MAPK8IP3: variants seen among roughly 807,000 people sequenced by gnomAD.
The protein encoded by MAPK8IP3 is mitogen-activated protein kinase 8 interacting protein 3.
In MAPK8IP3, 49 loss-of-function variants were observed where a neutral mutation model predicts 157.8. That is an observed-to-expected ratio of 0.31 (90% confidence interval 0.25 to 0.39). The LOEUF (loss-of-function observed/expected upper bound fraction) is 0.39, where lower values mean the gene tolerates loss of function less well. MAPK8IP3 is among the 10% of genes least tolerant of loss of function. MAPK8IP3 has a pLI of 1.00. For synonymous variants in MAPK8IP3, 897 were observed against 777.7 expected (o/e 1.15, Z -2.55); for missense variants, 1,478 against 1,889.4 (o/e 0.78, Z 4.04).
chr16:1,767,040 C>T lies in MAPK8IP3; in HGVS notation c.3088+69C>T, dbSNP rs1025088752. 4 of 1,568,780 alleles carry T rather than the reference C, an allele frequency of 2.5e-6. No homozygotes were observed. In the Admixed American group the frequency reaches 7.0e-5, roughly 28 times the overall value. ...CCTGGCATTGTTTAGCCAAGGGGCT[C>T]CCGGGGTTCCAGGCCTCTCCTTAGT... On this transcript the variant is annotated intron_variant, in intron 25 of 31. Transcript: ENST00000610761.
Position 1,731,540 on chromosome 16 carries a change from G to A in MAPK8IP3, c.602+1962G>A, listed in dbSNP as rs1359887268. On this transcript the variant is annotated intron_variant, in intron 4 of 31. Coordinates refer to ENST00000610761, the MANE Select transcript of MAPK8IP3 (RefSeq NM_001318852.2). ...GTGTCACGCATGAGGCCAGTTCTAG[G>A]GTTAGTTCCAGGGGCTCCAAGCCCA... is the stretch of plus-strand genomic sequence containing the variant. Among the ~76,000 whole-genome samples the A allele has an allele frequency of 2.0e-5, 3 of 152,214 alleles. No individual in the cohort carries two copies. The East Asian group carries it at 5.8e-4, about 29-fold the overall frequency.
chr16:1,762,157 C>T (rs538947999), intron 13 of MAPK8IP3, among the ~76,000 whole-genome samples, 194 bp from the exon 14 acceptor site: 1 of 152,254 alleles, frequency 6.6e-6, no homozygotes, highest in Non-Finnish European at 1.5e-5. Flanking sequence ...CCCCTGTCAG[C>T]ACCCAAGTCC....
intron 1 of MAPK8IP3, among the ~76,000 whole-genome samples, chr16:1,717,047 A>G (rs2038197960): frequency 6.6e-6 from 1 of 151,596 alleles, no homozygotes; most frequent in Non-Finnish European, 1.5e-5. Context: ...CAACAGAGCG[A>G]GATGCCGTCT....
In MAPK8IP3 at chr16:1,767,593, G is replaced by A. The variant is rs367851207; in HGVS notation, c.3267G>A (p.Glu1089=). The A allele has an allele frequency of 1.2e-6, 2 of 1,612,358 alleles. No homozygotes were observed. The highest frequency in any genetic ancestry group is 1.7e-6 in the Non-Finnish European group (2 of 1,179,866). Residue 1089 remains glutamate (E), a synonymous_variant, in exon 27 of 32, where the codon GAG becomes GAA. Coordinates refer to ENST00000610761, the MANE Select transcript of MAPK8IP3 (RefSeq NM_001318852.2). ...CATTTGACGCCCACCCGCGGCGGGA[G>A]AGCCAGGTGCGGCAGCTGGCGTGGA... ...EKSFDAHPRR[E]SQVRQLAWIG...
Position 1,769,687 on chromosome 16 carries a change from T to G in MAPK8IP3, c.*863T>G, listed in dbSNP as rs2042496240. ...CAGGAAGAAGGGGAGGCCCCTGGCCTCTCCGGGATCAGTCCTAGGACACAG... is the reference window on the plus strand; with the variant it reads ...CAGGAAGAAGGGGAGGCCCCTGGCCGCTCCGGGATCAGTCCTAGGACACAG... On this transcript the variant is annotated 3_prime_UTR_variant, in exon 32 of 32. Transcript: ENST00000610761. The G allele has an allele frequency of 6.6e-6, 1 of 152,522 alleles. No homozygotes were observed. The highest frequency in any genetic ancestry group is 2.1e-4 in the South Asian group (1 of 4,786). 9.4% of individuals were successfully genotyped at this position (152,522 alleles called of 1,614,324 possible).
chr16:1,747,336 T>G (rs1596704621), intron 6 of MAPK8IP3, 61 bp downstream of exon 6: 1 of 1,581,572 alleles, frequency 6.3e-7, no homozygotes, highest in Non-Finnish European at 8.6e-7. Context: ...TTGGTTTGGG[T>G]AGATGTGAAA....
chr16:1,731,943 G>A (rs1171573604), intron 4 of MAPK8IP3, among the ~76,000 whole-genome samples: 3 of 152,172 alleles, frequency 2.0e-5, no homozygotes, highest in Non-Finnish European at 4.4e-5. Context: ...TGGGGGTACC[G>A]GTGGGTTTCC....
chr16:1,739,495 C>T (rs1195465381), intron 4 of MAPK8IP3, among the ~76,000 whole-genome samples: 1 of 98,654 alleles, frequency 1.0e-5, no homozygotes, highest in Non-Finnish European at 1.9e-5. Flanking sequence ...CATGTGTGAC[C>T]GTTCGTGTGA....
At chr16:1,721,162 C>G (rs1461442817) in intron 1 of MAPK8IP3, among the ~76,000 whole-genome samples, 1 of 149,582 alleles carries the variant, frequency 6.7e-6, no homozygotes, top group Non-Finnish European at 1.5e-5. Flanking sequence ...ACATGGAAAA[C>G]ACCATCTCTA....
chr16:1,748,484 G>A (rs1021064972), intron 7 of MAPK8IP3, 118 bp from the exon 8 acceptor site: 2 of 1,142,566 alleles, frequency 1.8e-6, no homozygotes, highest in Non-Finnish European at 1.3e-6. Flanking sequence ...CGACCGGCCT[G>A]CAGGGCAGTG....
At chr16:1,754,641 G>A (rs755645459) in intron 8 of MAPK8IP3, among the ~76,000 whole-genome samples, 17 of 151,846 alleles carry the variant, frequency 1.1e-4, no homozygotes, top group African/African-American at 3.1e-4. Context: ...GTGTGGTGGC[G>A]GGCCCTGTAG....
rs1031323236 is a variant in MAPK8IP3, at chr16:1,740,741, A to T, written c.603-2591A>T. The stretch of plus-strand genomic sequence containing the variant: ...AAGGTAAAACCCAAGAGGTGTGTCC[A>T]CTGTGGTGCTGGGGGACGACCAGCA... On this transcript the variant is annotated intron_variant, in intron 4 of 31. Coordinates refer to ENST00000610761, the MANE Select transcript of MAPK8IP3 (RefSeq NM_001318852.2). 2.6e-5 allele frequency among the ~76,000 whole-genome samples: 4 copies of T among 152,220 alleles called. 1 individual carries two copies. Among genetic ancestry groups the T allele is most frequent in the Non-Finnish European group, 1.5e-5 (1 of 68,040 alleles).
intron 5 of MAPK8IP3, chr16:1,744,169 G>C (rs1363815564): frequency 4.1e-6 from 4 of 985,566 alleles, no homozygotes; most frequent in Admixed American, 1.2e-4. Context: ...TGGCCTGTGA[G>C]CTCACTGGCC....
At chr16:1,714,146 T>C (rs568977040) in intron 1 of MAPK8IP3, 2 of 152,380 alleles carry the variant, frequency 1.3e-5, no homozygotes, top group Admixed American at 1.3e-4. Context: ...CCTTCCCCCA[T>C]GGCCAAGCAG....
intron 8 of MAPK8IP3, among the ~76,000 whole-genome samples, chr16:1,757,147 C>T (rs2041650869): frequency 1.3e-5 from 2 of 152,026 alleles, no homozygotes; most frequent in Non-Finnish European, 1.5e-5. Flanking sequence ...GCTCTGTCGC[C>T]CAGGCTGGAG....
chr16:1,763,984 C>T, intron 17 of MAPK8IP3, 131 bp from the exon 18 acceptor site: 1 of 1,085,248 alleles, frequency 9.2e-7, no homozygotes, highest in Non-Finnish European at 1.3e-6. Context: ...CCGCGGCTCC[C>T]ACGCCCCCAC....
intron 8 of MAPK8IP3, among the ~76,000 whole-genome samples, chr16:1,754,357 G>A (rs760713524): frequency 5.1e-4 from 78 of 152,136 alleles, no homozygotes; most frequent in Non-Finnish European, 1.0e-3. Context: ...GTTATACTAT[G>A]TGCCTTGCAT....
chr16:1,768,713 GGAC>G lies in MAPK8IP3; in HGVS notation c.3909_3911del (p.Asp1303del), dbSNP rs772305360. ...CTGCTTTGCCCGCAGGAGACGGAGA[GGAC>G]GACGAGACGGAGGAGGGCGCAGGGG... On this transcript the variant is annotated inframe_deletion, in exon 32 of 32. Transcript: ENST00000610761. The G allele has an allele frequency of 7.7e-5, 124 of 1,611,944 alleles. No homozygotes were observed. Among genetic ancestry groups the G allele is most frequent in the Non-Finnish European group, 1.0e-4 (119 of 1,179,328 alleles).
At chr16:1,763,836 GGTAAGGGGCGGGGCGCTGTGGGGC>G in intron 17 of MAPK8IP3, 53 bp downstream of exon 17, 1 of 984,050 alleles carries the variant, frequency 1.0e-6, no homozygotes, top group Non-Finnish European at 1.4e-6. Context: ...GCGGGGCGGG[GGTAAGGGGCGGGGCGCTGTGGGGC>G]GGGGAGAGGG....
Sources: allele counts gnomAD v4.1 joint callset (sites outside exome capture counted in the v4.1 genomes callset), GRCh38; gene constraint gnomAD v4.1.1; transcripts MANE v1.5; gene names NCBI Gene and HGNC (gene_info 2026-07-23, HGNC 2026-07-21).